The following CAMSAP2 variants were observed in gnomAD, a reference collection of about 807,000 sequenced individuals.
The protein encoded by CAMSAP2 is calmodulin-regulated spectrin-associated protein 2.
In CAMSAP2, 26 loss-of-function variants were observed where a neutral mutation model predicts 146.1. The ratio of observed to expected loss-of-function variants is 0.18; its 90% CI spans 0.13 to 0.25. The LOEUF (loss-of-function observed/expected upper bound fraction) is 0.25, where lower values mean the gene tolerates loss of function less well. CAMSAP2 is among the 10% of genes least tolerant of loss of function. CAMSAP2 has a pLI of 1.00. For synonymous variants in CAMSAP2, 499 were observed against 596.6 expected (o/e 0.84, Z 2.38); for missense variants, 1,381 against 1,759.3 (o/e 0.78, Z 3.85).
intron 4 of CAMSAP2, among the ~76,000 whole-genome samples, chr1:200,828,803 G>A (rs1042452819): frequency 6.6e-6 from 1 of 151,996 alleles, no homozygotes; most frequent in Non-Finnish European, 1.5e-5. Context: ...AATTTAAAGG[G>A]TAAACATCCT....
chr1:200,778,318 T>C (rs1170347534), intron 2 of CAMSAP2, among the ~76,000 whole-genome samples: 1 of 152,184 alleles, frequency 6.6e-6, no homozygotes, highest in East Asian at 1.9e-4. Flanking sequence ...GTTTTGTTCC[T>C]CCCCCTTGAC....
intron 2 of CAMSAP2, 103 bp downstream of exon 2, chr1:200,761,201 T>C: frequency 8.9e-7 from 1 of 1,127,566 alleles, no homozygotes; most frequent in Non-Finnish European, 1.3e-6. Context: ...AATTGGATTG[T>C]ATTTTTGCCT....
chr1:200,801,795 G>T (rs1666042962), intron 2 of CAMSAP2, among the ~76,000 whole-genome samples: 1 of 152,170 alleles, frequency 6.6e-6, no homozygotes, highest in African/African-American at 2.4e-5. Context: ...TCAGATGGCA[G>T]TATCTAAGAT....
intron 4 of CAMSAP2, among the ~76,000 whole-genome samples, chr1:200,821,883 C>T (rs1043799294): frequency 2.6e-5 from 4 of 152,116 alleles, no homozygotes; most frequent in African/African-American, 9.7e-5. Flanking sequence ...ATTTCTCTAA[C>T]AGTTTTATAA....
In CAMSAP2 at chr1:200,850,018, G is replaced by A; in HGVS notation, c.3249G>A (p.Leu1083=). The A allele has an allele frequency of 6.2e-7, 1 of 1,613,674 alleles. No homozygotes were observed. The highest frequency in any genetic ancestry group is 8.5e-7 in the Non-Finnish European group (1 of 1,179,826). ...TGCCTGTCACAGAGACTGTATGTCT[G>A]ACACCAAATGAGGACCAATTGAATC... ...LSLPVTETVC[L]TPNEDQLNQP... Residue 1083 remains leucine, a synonymous_variant, in exon 11 of 17, where the codon CTG becomes CTA. Transcript: ENST00000358823.
intron 2 of CAMSAP2, among the ~76,000 whole-genome samples, chr1:200,769,451 T>C (rs1387707042): frequency 1.3e-5 from 2 of 152,130 alleles, no homozygotes; most frequent in Non-Finnish European, 2.9e-5. Context: ...ATTATCTACC[T>C]GGAGATAGTA....
chr1:200,824,716 A>G lies in CAMSAP2; in HGVS notation c.646-7484A>G, dbSNP rs1037063513. Among the ~76,000 whole-genome samples, 8 of 152,302 alleles carry G rather than the reference A, an allele frequency of 5.3e-5. No individual in the cohort carries two copies. The South Asian group carries it at 1.7e-3, about 32-fold the overall frequency. ...CCTACTGGCCGGGCATGGTGGCTCA[A>G]GCCTATAATCCCCGCACTTTGGGAG... On this transcript the variant is annotated intron_variant, in intron 4 of 16. Transcript: ENST00000358823.
At chr1:200,850,861 T>C (rs897827946) in intron 11 of CAMSAP2, among the ~76,000 whole-genome samples, 4 of 152,166 alleles carry the variant, frequency 2.6e-5, no homozygotes, top group African/African-American at 9.7e-5. Context: ...TAGCTCCAAT[T>C]GAGTCTCTTT....
chr1:200,739,477 G>C lies in CAMSAP2; in HGVS notation c.-351G>C, dbSNP rs778837473. Reference sequence around the variant, plus strand: ...CCAGCCTCCACCCTCCCCCAAGCCCGTGTGACTAAACCGAGACAAAGGGGA... The same window carrying C: ...CCAGCCTCCACCCTCCCCCAAGCCCCTGTGACTAAACCGAGACAAAGGGGA... On this transcript the variant is annotated 5_prime_UTR_variant, in exon 1 of 17. Transcript: ENST00000358823. This position sits in a 1 kb window ranked among gnomAD's most constrained non-coding sequence, Gnocchi z 4.8. 2 of 153,886 alleles carry C rather than the reference G, an allele frequency of 1.3e-5. No individual in the cohort carries two copies. The highest frequency in any genetic ancestry group is 2.0e-4 in the South Asian group (1 of 5,092). 9.5% of individuals were successfully genotyped at this position (153,886 alleles called of 1,614,324 possible). A position where few individuals can be genotyped will look rare whatever the true frequency, so the allele number is the denominator to read the frequency against.
intron 4 of CAMSAP2, among the ~76,000 whole-genome samples, chr1:200,828,284 A>C (rs938667766): frequency 6.6e-6 from 1 of 152,094 alleles, no homozygotes; most frequent in Non-Finnish European, 1.5e-5. Flanking sequence ...TGATTCCAAA[A>C]CTCAGAAATA....
chr1:200,813,924 C>T (rs1666402394), intron 3 of CAMSAP2, among the ~76,000 whole-genome samples: 1 of 151,554 alleles, frequency 6.6e-6, no homozygotes, highest in Non-Finnish European at 1.5e-5. Context: ...CAAGGTGAAA[C>T]TTGTCTCTAC....
Position 200,832,736 on chromosome 1 carries a change from C to T in CAMSAP2, c.818C>T (p.Ala273Val), listed in dbSNP as rs1236192328. The change falls in exon 6 of 17, where the codon GCT becomes GTT. Residue 273 changes from alanine to valine, a missense_variant. By Grantham distance (64) the Ala-to-Val change is moderately conservative (BLOSUM62 0). Coordinates refer to ENST00000358823, the MANE Select transcript of CAMSAP2 (RefSeq NM_203459.4). The surrounding 1 kb of genome is among the most constrained non-coding windows in gnomAD (Gnocchi z 4.2). Reference sequence around the variant, plus strand: ...TGTTTGAAAGAAACTATGTCTTTGGCTGATAGCCTGTATAATCTGCAGCTG... The same window carrying T: ...TGTTTGAAAGAAACTATGTCTTTGGTTGATAGCCTGTATAATCTGCAGCTG... ...DICLKETMSL[A>V]DSLYNLQLIQ... is the part of the protein sequence containing the mutation. The T allele has an allele frequency of 7.5e-6, 12 of 1,608,924 alleles. No individual in the cohort carries two copies. Among genetic ancestry groups the T allele is most frequent in the Non-Finnish European group, 1.0e-5 (12 of 1,177,828 alleles).
chr1:200,774,937 G>A (rs1014834425), intron 2 of CAMSAP2, among the ~76,000 whole-genome samples: 7 of 152,166 alleles, frequency 4.6e-5, no homozygotes, highest in Admixed American at 1.3e-4. Context: ...TTGGTTACGG[G>A]ATGTAGTAAT....
In CAMSAP2 at chr1:200,760,852, G is replaced by A; in HGVS notation, c.153G>A (p.Glu51=). 2 of 1,579,930 alleles carry A rather than the reference G, an allele frequency of 1.3e-6. No homozygotes were observed. Among genetic ancestry groups the A allele is most frequent in the Non-Finnish European group, 1.7e-6 (2 of 1,159,450 alleles). ...AKAFGTENVP[E]ELQEPFYTDQ... is the part of the protein sequence containing the mutation. ...TAATCTTTATAGAAAATGTGCCAGA[G>A]GAACTTCAAGAACCATTTTACACAG... is the stretch of plus-strand genomic sequence containing the variant. The change falls in exon 2 of 17, where the codon GAG becomes GAA. Residue 51 remains glutamate (E), a synonymous_variant. Transcript: ENST00000358823.
At chr1:200,822,103 TATC>T (rs1421243863) in intron 4 of CAMSAP2, among the ~76,000 whole-genome samples, 2 of 150,736 alleles carry the variant, frequency 1.3e-5, no homozygotes, top group Non-Finnish European at 3.0e-5. Context: ...AAATTTCCTT[TATC>T]ATTCTGTCTC....
At position 200,860,252 on chromosome 1, in the gene CAMSAP2, T is replaced by C. The variant is rs574270669; in HGVS notation, c.*2193T>C. 16 of 152,846 alleles carry C rather than the reference T, an allele frequency of 1.0e-4. 1 individual carries two copies. In the East Asian group the frequency reaches 2.8e-3, roughly 27 times the overall value. 9.5% of individuals were successfully genotyped at this position (152,846 alleles called of 1,614,324 possible). On this transcript the variant is annotated 3_prime_UTR_variant, in exon 17 of 17. Coordinates refer to ENST00000358823, the MANE Select transcript of CAMSAP2 (RefSeq NM_203459.4). ...TTTTTTAATTATGTTTTTAAAATTA[T>C]ACAGTTGAAAAATATGCCATTTCAT...
intron 14 of CAMSAP2, among the ~76,000 whole-genome samples, chr1:200,855,652 A>G (rs1348170375): frequency 1.3e-5 from 2 of 151,790 alleles, no homozygotes; most frequent in Non-Finnish European, 2.9e-5. Flanking sequence ...GCTAGAGTGC[A>G]GTGACACGAT....
At chr1:200,816,827 C>CGCGCGTGTGT (rs1666534638) in intron 4 of CAMSAP2, among the ~76,000 whole-genome samples, 1 of 97,942 alleles carries the variant, frequency 1.0e-5, no homozygotes, top group Non-Finnish European at 2.1e-5. Flanking sequence ...TGTACACACA[C>CGCGCGTGTGT]ACGCGTGTGT....
At chr1:200,826,716 T>G (rs1018140112) in intron 4 of CAMSAP2, among the ~76,000 whole-genome samples, 2 of 152,136 alleles carry the variant, frequency 1.3e-5, no homozygotes, top group African/African-American at 2.4e-5. Flanking sequence ...ACATGTATTA[T>G]AAAGACAATT....
Sources: gnomAD v4.1 joint callset for allele counts (sites outside exome capture counted in the v4.1 genomes callset) on GRCh38, gnomAD v4.1.1 for gene constraint, Gnocchi (gnomAD v3.1) non-coding constraint, MANE v1.5 for transcripts, NCBI Gene and HGNC (gene_info 2026-07-23, HGNC 2026-07-21) for gene names.